The following HACD2 variants were observed in gnomAD, a reference collection of about 807,000 sequenced individuals.
HACD2 encodes the protein 3-hydroxyacyl-CoA dehydratase 2.
In HACD2, 15 loss-of-function variants were observed where a neutral mutation model predicts 31.0. The ratio of observed to expected loss-of-function variants is 0.48; its 90% CI spans 0.32 to 0.75. The LOEUF is 0.75. HACD2 is among the 30% of genes least tolerant of loss of function. HACD2 has a pLI of 0.03. For missense variants in HACD2, 283 were observed against 313.0 expected (o/e 0.90, Z 0.72); for synonymous variants, 115 against 122.2 (o/e 0.94, Z 0.39).
chr3:123,498,338 A>T (rs1019537062), intron 6 of HACD2, among the ~76,000 whole-genome samples: 10 of 152,236 alleles, frequency 6.6e-5, no homozygotes, highest in African/African-American at 2.4e-4. Context: ...GGAGGCTGAG[A>T]CTGCAAGGGG....
chr3:123,556,093 G>C (rs1331980675), intron 3 of HACD2, among the ~76,000 whole-genome samples: 2 of 151,726 alleles, frequency 1.3e-5, no homozygotes, highest in African/African-American at 4.8e-5. Flanking sequence ...ATCACCTGAG[G>C]CCAGGAATTT....
At chr3:123,562,002 G>C (rs1343866996) in intron 3 of HACD2, among the ~76,000 whole-genome samples, 1 of 152,156 alleles carries the variant, frequency 6.6e-6, no homozygotes, top group Non-Finnish European at 1.5e-5. Context: ...TGTAGAGACA[G>C]GGTTTCACCA....
chr3:123,554,124 C>T (rs574245655), intron 3 of HACD2, among the ~76,000 whole-genome samples: 8 of 78 alleles, frequency 0.1, no homozygotes, highest in South Asian at 0.5. Context: ...TATTATCCTT[C>T]ATCCAACTAA....
At chr3:123,505,601 A>G (rs181603657) in intron 4 of HACD2, among the ~76,000 whole-genome samples, 518 of 152,306 alleles carry the variant, frequency 3.4e-3, no homozygotes, top group South Asian at 0.022. Flanking sequence ...ACAGGAGCCA[A>G]CAGGGTGTGA....
At chr3:123,542,578 C>T (rs1288521419) in intron 3 of HACD2, among the ~76,000 whole-genome samples, 2 of 152,226 alleles carry the variant, frequency 1.3e-5, no homozygotes, top group Non-Finnish European at 2.9e-5. Context: ...TATCTATCAA[C>T]AGAGATGCCA....
Position 123,508,848 on chromosome 3 carries a change from C to A in HACD2, c.382-6167G>T, listed in dbSNP as rs184724369. The stretch of plus-strand genomic sequence containing the variant: ...GTTATGGAGGCTGGAAGTCTGAGAT[C>A]AGGATGGCAGCATGATTGGTTTCTG... On this transcript the variant is annotated intron_variant, in intron 4 of 6. Transcript: ENST00000383657. Among the ~76,000 whole-genome samples, 167 of 152,270 alleles carry A rather than the reference C, an allele frequency of 1.1e-3. 1 individual carries two copies. The highest frequency in any genetic ancestry group is 3.9e-3 in the African/African-American group (162 of 41,560).
At chr3:123,515,381 C>T (rs1385281823) in intron 4 of HACD2, among the ~76,000 whole-genome samples, 3 of 152,150 alleles carry the variant, frequency 2.0e-5, no homozygotes, top group Non-Finnish European at 1.5e-5. Context: ...TAGCACAATG[C>T]CTGGGGCATA....
At chr3:123,508,006 GA>G (rs149137992) in intron 4 of HACD2, among the ~76,000 whole-genome samples, 22,104 of 149,862 alleles carry the variant, frequency 0.15, 1,903 homozygotes, top group Non-Finnish European at 0.2. Flanking sequence ...CTTAAAAAAA[GA>G]AAAAAAAAGG....
chr3:123,554,759 C>T (rs2056656438), intron 3 of HACD2, among the ~76,000 whole-genome samples: 1 of 152,030 alleles, frequency 6.6e-6, no homozygotes, highest in African/African-American at 2.4e-5. Context: ...AAAGAATGCA[C>T]AAGGGCATAT....
chr3:123,494,673 C>T lies in HACD2; in HGVS notation c.*215G>A. 1 of 559,168 alleles carries T rather than the reference C, an allele frequency of 1.8e-6. No homozygotes were observed. 34.6% of individuals were successfully genotyped at this position (559,168 alleles called of 1,614,324 possible). A position where few individuals can be genotyped will look rare whatever the true frequency, so the allele number is the denominator to read the frequency against. On this transcript the variant is annotated 3_prime_UTR_variant, in exon 7 of 7. Transcript: ENST00000383657. ...AAGAACTTCTGGTTGAAAGAGCATG[C>T]TGAAATGAACTGGCCAGGGTGTTTT...
intron 4 of HACD2, among the ~76,000 whole-genome samples, chr3:123,504,539 AAAAC>A (rs1559899484): frequency 2.0e-5 from 3 of 151,960 alleles, no homozygotes; most frequent in Non-Finnish European, 2.9e-5. Flanking sequence ...GTAAAAAAAA[AAAAC>A]AAACAAAACC....
chr3:123,515,112 G>A (rs1269791454), intron 4 of HACD2, among the ~76,000 whole-genome samples: 3 of 152,144 alleles, frequency 2.0e-5, no homozygotes, highest in East Asian at 1.9e-4. Context: ...GTGTTAACTC[G>A]CAGACCACCT....
At chr3:123,506,852 G>C (rs1384514717) in intron 4 of HACD2, among the ~76,000 whole-genome samples, 2 of 152,172 alleles carry the variant, frequency 1.3e-5, no homozygotes, top group Admixed American at 1.3e-4. Context: ...AGCTAATTTA[G>C]CTCAGGAGGG....
intron 3 of HACD2, among the ~76,000 whole-genome samples, chr3:123,563,243 G>A (rs972891397): frequency 5.9e-5 from 9 of 152,186 alleles, no homozygotes; most frequent in Non-Finnish European, 1.3e-4. Context: ...ATAGAAGAGT[G>A]AGGAAGAGTC....
intron 4 of HACD2, among the ~76,000 whole-genome samples, chr3:123,510,582 A>G (rs1184006161): frequency 6.6e-6 from 1 of 152,166 alleles, no homozygotes; most frequent in African/African-American, 2.4e-5. Flanking sequence ...TGGTTCATCT[A>G]TGTGGTAATA....
intron 2 of HACD2, among the ~76,000 whole-genome samples, chr3:123,580,178 AG>A (rs2056950660): frequency 1.3e-5 from 2 of 151,798 alleles, no homozygotes; most frequent in African/African-American, 4.8e-5. Flanking sequence ...AAAAAAAAAA[AG>A]AAAAAAGAAA....
chr3:123,542,943 T>C (rs1389658646), intron 3 of HACD2, among the ~76,000 whole-genome samples: 1 of 152,194 alleles, frequency 6.6e-6, no homozygotes, highest in Non-Finnish European at 1.5e-5. Context: ...AGCTATGAGA[T>C]TATGACAAAA....
chr3:123,522,028 CGG>C (rs1255015885), intron 4 of HACD2, among the ~76,000 whole-genome samples: 3 of 151,980 alleles, frequency 2.0e-5, no homozygotes, highest in South Asian at 2.1e-4. Context: ...CACTCTTGGC[CGG>C]TGTGGTGGCT....
At chr3:123,574,718 T>C (rs2056890626) in intron 2 of HACD2, among the ~76,000 whole-genome samples, 1 of 152,144 alleles carries the variant, frequency 6.6e-6, no homozygotes, top group South Asian at 2.1e-4. Flanking sequence ...CTAAAGTATA[T>C]TAAAAGTGGT....
Sources: gnomAD v4.1 joint callset for allele counts (sites outside exome capture counted in the v4.1 genomes callset) on GRCh38, gnomAD v4.1.1 for gene constraint, MANE v1.5 for transcripts, NCBI Gene and HGNC (gene_info 2026-07-23, HGNC 2026-07-21) for gene names.